Variants in PARP12 observed in about 807,000 individuals in gnomAD.
PARP12 encodes the protein poly(ADP-ribose) polymerase family member 12.
Under a neutral mutation model 72.4 loss-of-function variants are expected in PARP12, and 59 were observed. That is an observed-to-expected ratio of 0.81 (90% confidence interval 0.66 to 1.01). The LOEUF (loss-of-function observed/expected upper bound fraction) is 1.01. Ranked by LOEUF, PARP12 falls within the 50% of genes least tolerant of loss-of-function variation. The pLI is 0.00. For missense variants in PARP12, 851 were observed against 914.0 expected (o/e 0.93, Z 0.89); for synonymous variants, 403 against 371.4 (o/e 1.09, Z -0.98).
chr7:140,057,601 C>A, intron 2 of PARP12: 1 of 428,088 alleles, frequency 2.3e-6, no homozygotes, highest in Non-Finnish European at 4.2e-6. Flanking sequence ...TAGAGAAGGC[C>A]AAATACCACC....
Position 140,056,889 on chromosome 7 carries a change from C to T in PARP12, c.727G>A (p.Val243Met). 2 of 1,611,204 alleles carry T rather than the reference C, an allele frequency of 1.2e-6. No individual in the cohort carries two copies. Among genetic ancestry groups the T allele is most frequent in the Middle Eastern group, 1.9e-4 (1 of 5,138 alleles). ...IKNKSSAPSR[V>M]PPLFVPQGTS... ...CCCTGTGGGACAAAAAGAGGAGGCA[C>T]TCTGCTGGGGGCAGAGCTCTTATTC... Residue 243 changes from valine (V) to methionine (M), a missense_variant, in exon 3 of 12, where the codon GTG (valine) becomes ATG (methionine). Transcript: ENST00000263549.
chr7:140,049,299 CCTAA>C (rs1816867224), intron 4 of PARP12, among the ~76,000 whole-genome samples: 1 of 152,168 alleles, frequency 6.6e-6, no homozygotes, highest in Admixed American at 6.5e-5. Flanking sequence ...CTGAAGATCT[CCTAA>C]CTTGTCCAGT....
intron 8 of PARP12, 152 bp downstream of exon 8, chr7:140,034,083 T>A: frequency 7.5e-7 from 1 of 1,338,080 alleles, no homozygotes; most frequent in Non-Finnish European, 9.7e-7. Flanking sequence ...CTGGTCCAAC[T>A]AGTAGAAGAC....
intron 5 of PARP12, among the ~76,000 whole-genome samples, chr7:140,045,219 G>A (rs1287771910): frequency 6.6e-6 from 1 of 151,962 alleles, no homozygotes; most frequent in African/African-American, 2.4e-5. Context: ...TTTTTGTAGA[G>A]ACAAGGTCTC....
chr7:140,057,052 T>A lies in PARP12; in HGVS notation c.564A>T (p.Glu188Asp), dbSNP rs148151544. ...LHICQYFLQG[E>D]CKFGTSCKRS... ...TCTTACAGCTAGTGCCAAACTTGCATTCCCCCTGTAAAAAATACTGGCAGA... is the reference window on the plus strand; with the variant it reads ...TCTTACAGCTAGTGCCAAACTTGCAATCCCCCTGTAAAAAATACTGGCAGA... The change falls in exon 3 of 12, where the codon GAA becomes GAT. Residue 188 changes from glutamate (E) to aspartate (D), a missense_variant. Glu to Asp is a conservative substitution (Grantham distance 45). Transcript: ENST00000263549. The A allele has an allele frequency of 2.5e-6, 4 of 1,614,110 alleles. No individual in the cohort carries two copies. The African/African-American group carries it at 4.0e-5, about 16-fold the overall frequency.
chr7:140,041,864 C>T, intron 5 of PARP12, 25 bp from the exon 6 acceptor site: 1 of 1,577,660 alleles, frequency 6.3e-7, no homozygotes, highest in Non-Finnish European at 8.7e-7. Flanking sequence ...CAGCAGCAGA[C>T]TGAAAATCCC....
At chr7:140,039,489 T>C (rs1314101617) in intron 6 of PARP12, among the ~76,000 whole-genome samples, 1 of 152,014 alleles carries the variant, frequency 6.6e-6, no homozygotes, top group African/African-American at 2.4e-5. Flanking sequence ...ATGGCAGCCA[T>C]ATTATGTGTT....
At chr7:140,046,645 A>G (rs957631320) in intron 5 of PARP12, among the ~76,000 whole-genome samples, 1 of 152,234 alleles carries the variant, frequency 6.6e-6, no homozygotes, top group African/African-American at 2.4e-5. Flanking sequence ...GTGGGAGAAC[A>G]AAGCCACCAA....
At chr7:140,054,806 G>T in intron 3 of PARP12, 43 bp from the exon 4 acceptor site, 1 of 1,485,474 alleles carries the variant, frequency 6.7e-7, no homozygotes, top group South Asian at 1.1e-5. Context: ...TCTGATATGG[G>T]GTATAAAAGA....
rs550363826 is a variant in PARP12, at chr7:140,039,980, G to A, written c.1182+1664C>T. On this transcript the variant is annotated intron_variant, in intron 6 of 11. Transcript: ENST00000263549. ...AGGTGTTGGCTGACTGGAGGAGACCGGCCCCAACAACCAGAGCTGTGATGA... is the reference window on the plus strand; with the variant it reads ...AGGTGTTGGCTGACTGGAGGAGACCAGCCCCAACAACCAGAGCTGTGATGA... Among the ~76,000 whole-genome samples the A allele has an allele frequency of 7.9e-5, 12 of 152,280 alleles. No homozygotes were observed. The South Asian group carries it at 8.3e-4, about 11-fold the overall frequency.
At chr7:140,025,220 G>C (rs1366566430) in intron 11 of PARP12, 2 of 337,590 alleles carry the variant, frequency 5.9e-6, no homozygotes, top group Non-Finnish European at 5.7e-6. Context: ...CATAAAATGG[G>C]GCTGTTCAGC....
intron 11 of PARP12, chr7:140,025,235 C>T (rs981231181): frequency 3.1e-6 from 1 of 321,006 alleles, no homozygotes; most frequent in African/African-American, 2.1e-5. Flanking sequence ...TTCAGCCCAA[C>T]CTTACAGGGT....
intron 3 of PARP12, among the ~76,000 whole-genome samples, chr7:140,056,025 G>A (rs1456150469): frequency 6.6e-6 from 1 of 152,198 alleles, no homozygotes; most frequent in Non-Finnish European, 1.5e-5. Flanking sequence ...CCAAGACAGC[G>A]CCCAGCATGT....
intron 5 of PARP12, among the ~76,000 whole-genome samples, chr7:140,045,173 G>C (rs1816665625): frequency 6.6e-6 from 1 of 152,038 alleles, no homozygotes; most frequent in African/African-American, 2.4e-5. Flanking sequence ...GGGACTACAG[G>C]CACGCGCCAC....
In PARP12 at chr7:140,054,734, G is replaced by A. The variant is rs752471727; in HGVS notation, c.790C>T (p.Pro264Ser). Residue 264 changes from proline to serine, a missense_variant, in exon 4 of 12, where the codon CCA becomes TCA. This residue lies in a region of PARP12 where 492 missense variants were observed against 489.3 expected (regional missense o/e 1.01). Coordinates refer to ENST00000263549, the MANE Select transcript of PARP12 (RefSeq NM_022750.4). Reference protein sequence around the residue: ...ERKDSSGSVSPNTLSQEEGDQ... With the variant: ...ERKDSSGSVSSNTLSQEEGDQ... Reference sequence around the variant, plus strand: ...CCCTCCTCCTGGCTAAGAGTGTTTGGGGACACAGAACCTGAACTGTCTTTT... The same window carrying A: ...CCCTCCTCCTGGCTAAGAGTGTTTGAGGACACAGAACCTGAACTGTCTTTT... 1 of 1,613,940 alleles carries A rather than the reference G, an allele frequency of 6.2e-7. No homozygotes were observed. The highest frequency in any genetic ancestry group is 8.5e-7 in the Non-Finnish European group (1 of 1,179,828).
intron 8 of PARP12, among the ~76,000 whole-genome samples, chr7:140,031,639 G>A (rs1384400440): frequency 3.9e-5 from 6 of 152,140 alleles, no homozygotes; most frequent in South Asian, 2.1e-4. Context: ...GTGACACTCC[G>A]CTTACAGGAG....
chr7:140,052,749 T>A (rs1817015309), intron 4 of PARP12, among the ~76,000 whole-genome samples: 1 of 151,750 alleles, frequency 6.6e-6, no homozygotes, highest in African/African-American at 2.4e-5. Flanking sequence ...TGTGTGTGTG[T>A]GTGTGTGTGT....
rs907923181 is a variant in PARP12, at chr7:140,031,559, T to C, written c.1421+2676A>G. On this transcript the variant is annotated intron_variant, in intron 8 of 11. Coordinates refer to ENST00000263549, the MANE Select transcript of PARP12 (RefSeq NM_022750.4). The stretch of plus-strand genomic sequence containing the variant: ...GCCCAGGCAGACTTGCTTACTGGAG[T>C]TAATGACAACCAGCTGCTGGCACAT... Among the ~76,000 whole-genome samples the C allele has an allele frequency of 3.3e-5, 5 of 151,922 alleles. No homozygotes were observed. The East Asian group carries it at 9.6e-4, about 29-fold the overall frequency.
chr7:140,054,637 A>G, intron 4 of PARP12, 25 bp downstream of exon 4: 6 of 1,549,788 alleles, frequency 3.9e-6, no homozygotes, highest in Non-Finnish European at 5.3e-6. Flanking sequence ...CCACAAGTGG[A>G]ATGAAGGAGC....
Sources: gnomAD v4.1 joint callset for allele counts (sites outside exome capture counted in the v4.1 genomes callset) on GRCh38, gnomAD v4.1.1 for gene constraint, gnomAD v4.1.1 regional missense constraint, MANE v1.5 for transcripts, NCBI Gene and HGNC (gene_info 2026-07-23, HGNC 2026-07-21) for gene names.